Variants in BTRC observed in about 807,000 individuals in gnomAD.
BTRC encodes F-box/WD repeat-containing protein 1A.
A neutral mutation model predicts 85.5 loss-of-function variants in BTRC; 42 were observed. The observed-to-expected ratio is 0.49, with a 90% CI of 0.38 to 0.64. BTRC has a LOEUF of 0.64. Among genes scored for constraint, BTRC ranks in the 30% least tolerant of loss-of-function variants. The pLI is 0.00. For missense variants in BTRC, 594 were observed against 743.5 expected (o/e 0.80, Z 2.34); for synonymous variants, 255 against 263.3 (o/e 0.97, Z 0.30).
At chr10:101,357,635 T>C (rs968375121) in intron 1 of BTRC, among the ~76,000 whole-genome samples, 3 of 152,128 alleles carry the variant, frequency 2.0e-5, no homozygotes, top group African/African-American at 7.2e-5. Context: ...TTCCATGGTT[T>C]AAACAAATGT....
At position 101,492,618 on chromosome 10, in the gene BTRC, G is replaced by A. The variant is rs546934176; in HGVS notation, c.324+13161G>A. ...TTTATTTTTGTAGTATTAATATAGTGTCATTTTGGACTTTAAAATTGATAG... is the reference window on the plus strand; with the variant it reads ...TTTATTTTTGTAGTATTAATATAGTATCATTTTGGACTTTAAAATTGATAG... On this transcript the variant is annotated intron_variant, in intron 4 of 14. Transcript: ENST00000370187. Among the ~76,000 whole-genome samples, 35 of 152,228 alleles carry A rather than the reference G, an allele frequency of 2.3e-4. 1 individual carries two copies. Among genetic ancestry groups the A allele is most frequent in the South Asian group, 4.1e-4 (2 of 4,824 alleles).
At chr10:101,393,738 C>T (rs1188968646) in intron 1 of BTRC, among the ~76,000 whole-genome samples, 1 of 152,166 alleles carries the variant, frequency 6.6e-6, no homozygotes, top group Non-Finnish European at 1.5e-5. Flanking sequence ...GAGTCTTTCC[C>T]TACACACTCC....
chr10:101,431,118 G>A (rs1181984799), intron 2 of BTRC, among the ~76,000 whole-genome samples: 2 of 128,900 alleles, frequency 1.6e-5, no homozygotes, highest in African/African-American at 2.9e-5. Context: ...GCTTCATGGC[G>A]CAAGCTGGAG....
At chr10:101,401,267 T>G (rs551768324) in intron 1 of BTRC, among the ~76,000 whole-genome samples, 1 of 152,304 alleles carries the variant, frequency 6.6e-6, no homozygotes, top group East Asian at 1.9e-4. Context: ...TTTACTCTTA[T>G]CACGTGAATG....
intron 2 of BTRC, among the ~76,000 whole-genome samples, chr10:101,439,248 A>G (rs1944616275): frequency 6.6e-6 from 1 of 152,194 alleles, no homozygotes; most frequent in African/African-American, 2.4e-5. Context: ...TGTGTGCCTG[A>G]GCGCTTCATC....
chr10:101,547,543 G>C (rs2062578770), intron 13 of BTRC, among the ~76,000 whole-genome samples: 1 of 151,678 alleles, frequency 6.6e-6, no homozygotes, highest in Non-Finnish European at 1.5e-5. Context: ...GTTTCTGCTT[G>C]TTGGCCAGGC....
chr10:101,441,128 T>G (rs1944668537), intron 2 of BTRC, among the ~76,000 whole-genome samples: 1 of 152,224 alleles, frequency 6.6e-6, no homozygotes, highest in African/African-American at 2.4e-5. Flanking sequence ...TTGGCTGATT[T>G]CTACAGGATG....
intron 2 of BTRC, among the ~76,000 whole-genome samples, chr10:101,458,228 T>C (rs1391557635): frequency 6.6e-6 from 1 of 152,178 alleles, no homozygotes; most frequent in Non-Finnish European, 1.5e-5. Context: ...TGAGTAGATC[T>C]CAGATATTTT....
chr10:101,526,303 TG>T (rs1406794064), intron 6 of BTRC, 104 bp downstream of exon 6: 123 of 1,000,074 alleles, frequency 1.2e-4, no homozygotes, highest in South Asian at 9.1e-4. Context: ...TCATTTAATA[TG>T]GTGATTTTGT....
intron 2 of BTRC, among the ~76,000 whole-genome samples, chr10:101,437,790 T>G (rs2134100834): frequency 6.6e-6 from 1 of 152,284 alleles, no homozygotes; most frequent in Non-Finnish European, 1.5e-5. Context: ...TCCCCAAAGG[T>G]GCAGTGTGTT....
At chr10:101,509,401 C>A (rs113992493) in intron 4 of BTRC, among the ~76,000 whole-genome samples, 53,022 of 144,540 alleles carry the variant, frequency 0.37, 10,671 homozygotes, top group Middle Eastern at 0.49. Context: ...ACTACAGGCG[C>A]CCGCCACTAC....
At chr10:101,367,020 ATATT>A (rs1270945243) in intron 1 of BTRC, among the ~76,000 whole-genome samples, 6 of 65,820 alleles carry the variant, frequency 9.1e-5, no homozygotes, top group Admixed American at 6.0e-4. Flanking sequence ...ATATATATTT[ATATT>A]TATATATTTA....
At chr10:101,389,117 G>GT (rs1169198314) in intron 1 of BTRC, among the ~76,000 whole-genome samples, 8 of 53,046 alleles carry the variant, frequency 1.5e-4, no homozygotes, top group African/African-American at 2.3e-4. Context: ...TTTTTTGTGT[G>GT]TGTTTTTTTT....
intron 13 of BTRC, among the ~76,000 whole-genome samples, chr10:101,541,314 C>T (rs2062463859): frequency 1.3e-5 from 2 of 150,782 alleles, no homozygotes; most frequent in South Asian, 4.2e-4. Flanking sequence ...GGCTGGAGTG[C>T]AGTGGCGCGA....
intron 2 of BTRC, among the ~76,000 whole-genome samples, chr10:101,458,598 T>C (rs1016832374): frequency 3.3e-5 from 5 of 152,328 alleles, no homozygotes; most frequent in African/African-American, 1.2e-4. Context: ...CTCAACAGTG[T>C]GTGCTATACC....
At chr10:101,409,400 AGTT>A (rs1217781520) in intron 1 of BTRC, among the ~76,000 whole-genome samples, 2 of 152,174 alleles carry the variant, frequency 1.3e-5, no homozygotes, top group Non-Finnish European at 2.9e-5. Context: ...ATTTATTAGT[AGTT>A]TATTTTTATG....
upstream of BTRC, chr10:101,354,150 G>C: frequency 1.3e-6 from 2 of 1,548,368 alleles, no homozygotes; most frequent in Non-Finnish European, 1.7e-6. Flanking sequence ...GGCGGCCCCG[G>C]CGGAGAGCGG....
chr10:101,533,193 TC>T, intron 9 of BTRC, 123 bp downstream of exon 9: 1 of 607,942 alleles, frequency 1.6e-6, no homozygotes, highest in East Asian at 2.7e-5. Flanking sequence ...AACCACCAGG[TC>T]CCCATCATTT....
chr10:101,521,965 C>T (rs9420854), intron 5 of BTRC, 95 bp downstream of exon 5: 1 of 692,536 alleles, frequency 1.4e-6, no homozygotes, highest in Non-Finnish European at 2.1e-6. Context: ...TCTTTATTGG[C>T]TTGATTTTTA....
Sources: gnomAD v4.1 joint callset for allele counts (sites outside exome capture counted in the v4.1 genomes callset) on GRCh38, gnomAD v4.1.1 for gene constraint, MANE v1.5 for transcripts, NCBI Gene and HGNC (gene_info 2026-07-23, HGNC 2026-07-21) for gene names.